Variants in SLC22A23 observed in about 807,000 individuals in gnomAD.
SLC22A23 encodes solute carrier family 22 member 23, also known as ion transporter protein.
SLC22A23 carries 26 observed loss-of-function variants against 61.0 expected under a neutral mutation model. The observed-to-expected ratio is 0.43, with a 90% CI of 0.31 to 0.59. The LOEUF (loss-of-function observed/expected upper bound fraction) is 0.59, where lower values mean the gene tolerates loss of function less well. Ranked by LOEUF, SLC22A23 falls within the 20% of genes least tolerant of loss-of-function variation. SLC22A23 has a pLI of 0.11. For missense variants in SLC22A23, 796 were observed against 934.7 expected, an observed-to-expected ratio of 0.85 and a Z score of 1.94; for synonymous variants, 430 against 413.9, an observed-to-expected ratio of 1.04 and a Z score of -0.47.
rs565818141 is a variant in SLC22A23, at chr6:3,455,667, C to G, written c.654+239G>C. Among the ~76,000 whole-genome samples, 150 of 152,356 alleles carry G rather than the reference C, an allele frequency of 9.8e-4. 2 individuals carry two copies. Among genetic ancestry groups the G allele is most frequent in the African/African-American group, 3.4e-3 (140 of 41,584 alleles). ...GCCCCGAGGGTGGGGGAAGGGCGCG[C>G]TTTCCATCCGCGTACTGGGACAGGA... is the stretch of plus-strand genomic sequence containing the variant. On this transcript the variant is annotated intron_variant, in intron 1 of 9. Coordinates refer to ENST00000406686, the MANE Select transcript of SLC22A23 (RefSeq NM_015482.2).
intron 1 of SLC22A23, among the ~76,000 whole-genome samples, chr6:3,426,561 T>A (rs886650959): frequency 6.6e-6 from 1 of 152,250 alleles, no homozygotes; most frequent in African/African-American, 2.4e-5. Flanking sequence ...CTCATCTTTT[T>A]CTGTAACATA....
chr6:3,295,386 G>A (rs1192439917), intron 5 of SLC22A23, among the ~76,000 whole-genome samples: 1 of 149,514 alleles, frequency 6.7e-6, no homozygotes, highest in Non-Finnish European at 1.5e-5. Flanking sequence ...GGAGCCAAAC[G>A]AAGGCCAGGG....
chr6:3,446,912 G>C (rs1018320089), intron 1 of SLC22A23, among the ~76,000 whole-genome samples: 5 of 152,048 alleles, frequency 3.3e-5, no homozygotes, highest in African/African-American at 1.2e-4. Flanking sequence ...GAGAGTGTCT[G>C]CCTCCCCGTC....
At chr6:3,419,058 A>C (rs1769938144) in intron 1 of SLC22A23, among the ~76,000 whole-genome samples, 1 of 152,252 alleles carries the variant, frequency 6.6e-6, no homozygotes, top group African/African-American at 2.4e-5. Flanking sequence ...GCAACTGGTC[A>C]TGTCACTGAC....
At chr6:3,275,809 C>G (rs1420468174) in intron 9 of SLC22A23, among the ~76,000 whole-genome samples, 3 of 152,226 alleles carry the variant, frequency 2.0e-5, no homozygotes, top group Non-Finnish European at 4.4e-5. Flanking sequence ...GTCTTGATCT[C>G]CTAACCTCGT....
At chr6:3,389,268 C>CA (rs61020784) in intron 3 of SLC22A23, among the ~76,000 whole-genome samples, 10,214 of 32,616 alleles carry the variant, frequency 0.31, 3,310 homozygotes, top group East Asian at 0.35. Context: ...AACTCTGTCT[C>CA]AAAAAAAAAA....
At chr6:3,399,560 C>G (rs1768240564) in intron 3 of SLC22A23, among the ~76,000 whole-genome samples, 1 of 152,184 alleles carries the variant, frequency 6.6e-6, no homozygotes, top group Non-Finnish European at 1.5e-5. Context: ...AAGCCTATAG[C>G]TGTGTTACGG....
intron 9 of SLC22A23, among the ~76,000 whole-genome samples, chr6:3,277,693 C>T (rs2127293186): frequency 6.6e-6 from 1 of 152,364 alleles, no homozygotes; most frequent in African/African-American, 2.4e-5. Context: ...ACCTGCCCAG[C>T]CACTGAGACC....
intron 3 of SLC22A23, among the ~76,000 whole-genome samples, chr6:3,402,536 A>C (rs1012758576): frequency 7.1e-6 from 1 of 140,400 alleles, no homozygotes; most frequent in Non-Finnish European, 1.6e-5. Flanking sequence ...CACAGAGTGC[A>C]CTAGGCTGCA....
chr6:3,301,983 G>T (rs4959232), intron 4 of SLC22A23, among the ~76,000 whole-genome samples: 2 of 152,076 alleles, frequency 1.3e-5, no homozygotes, highest in Non-Finnish European at 2.9e-5. Flanking sequence ...CTTCTGTTTC[G>T]TTTTTTTGGG....
intron 3 of SLC22A23, among the ~76,000 whole-genome samples, chr6:3,335,086 A>G (rs1763777303): frequency 6.6e-6 from 1 of 152,216 alleles, no homozygotes; most frequent in Non-Finnish European, 1.5e-5. Flanking sequence ...TCCTCTACCA[A>G]ATCAGAAAAT....
intron 8 of SLC22A23, chr6:3,284,222 T>C (rs1368175693): frequency 2.0e-5 from 8 of 393,330 alleles, no homozygotes; most frequent in South Asian, 1.5e-4. Flanking sequence ...GTGGCCTCTA[T>C]TGGAATTCCT....
chr6:3,358,105 T>C (rs1765223944), intron 3 of SLC22A23, among the ~76,000 whole-genome samples: 1 of 152,122 alleles, frequency 6.6e-6, no homozygotes. Flanking sequence ...ATTGGAACCT[T>C]TAAACACTGT....
intron 1 of SLC22A23, among the ~76,000 whole-genome samples, chr6:3,446,280 G>A (rs1771892177): frequency 6.6e-6 from 1 of 152,190 alleles, no homozygotes; most frequent in Non-Finnish European, 1.5e-5. Flanking sequence ...AACCCTAATA[G>A]GTTGGTGGCT....
intron 3 of SLC22A23, among the ~76,000 whole-genome samples, chr6:3,337,044 A>C (rs1306387566): frequency 6.6e-6 from 1 of 152,128 alleles, no homozygotes; most frequent in Non-Finnish European, 1.5e-5. Flanking sequence ...CTGAGCTCAA[A>C]CAATCTTCCT....
In SLC22A23 at chr6:3,372,749, T is replaced by C. The variant is rs115949066; in HGVS notation, c.913+37439A>G. Among the ~76,000 whole-genome samples, 1,188 of 152,322 alleles carry C rather than the reference T, an allele frequency of 7.8e-3. 14 individuals are homozygous for C. The highest frequency in any genetic ancestry group is 0.027 in the African/African-American group (1,107 of 41,582). On this transcript the variant is annotated intron_variant, in intron 3 of 9. Coordinates refer to ENST00000406686, the MANE Select transcript of SLC22A23 (RefSeq NM_015482.2). The surrounding 1 kb of genome is among the most constrained non-coding windows in gnomAD (Gnocchi z 4.7). ...TCAGGGTGCGCAAGTCCTAGGACAA[T>C]CTAGGCCAACATTCTCTTCCAAATT...
At chr6:3,388,210 G>GTA (rs1767434316) in intron 3 of SLC22A23, among the ~76,000 whole-genome samples, 1 of 152,210 alleles carries the variant, frequency 6.6e-6, no homozygotes, top group Admixed American at 6.5e-5. Flanking sequence ...GCTTTGGAAC[G>GTA]TGAGACTCAA....
At chr6:3,289,977 G>C (rs897747593) in intron 5 of SLC22A23, 111 bp from the exon 6 acceptor site, 13 of 529,808 alleles carry the variant, frequency 2.5e-5, no homozygotes, top group African/African-American at 1.2e-4. Context: ...AAGGGAGAGA[G>C]AAGCTTTTTT....
At chr6:3,277,714 C>T (rs939415704) in intron 9 of SLC22A23, among the ~76,000 whole-genome samples, 1 of 152,266 alleles carries the variant, frequency 6.6e-6, no homozygotes, top group African/African-American at 2.4e-5. Context: ...TGGCTGGCAC[C>T]TGGGCATCTA....
Sources: allele counts gnomAD v4.1 joint callset (sites outside exome capture counted in the v4.1 genomes callset), GRCh38; gene constraint gnomAD v4.1.1; non-coding constraint Gnocchi (gnomAD v3.1); transcripts MANE v1.5; gene names NCBI Gene and HGNC (gene_info 2026-07-23, HGNC 2026-07-21).